MGAT4C: variants seen among roughly 807,000 people sequenced by gnomAD.
The protein encoded by MGAT4C is alpha-1,3-mannosyl-glycoprotein 4-beta-N-acetylglucosaminyltransferase C.
MGAT4C carries 19 observed loss-of-function variants against 40.1 expected under a neutral mutation model. That is an observed-to-expected ratio of 0.47 (90% confidence interval 0.33 to 0.70). MGAT4C has a LOEUF of 0.70. MGAT4C is among the 30% of genes least tolerant of loss of function. The pLI is 0.02. For synonymous variants in MGAT4C, 181 were observed against 187.1 expected (o/e 0.97, Z 0.27); for missense variants, 491 against 563.2 (o/e 0.87, Z 1.30).
chr12:86,371,592 G>A (rs1264321188), intron 3 of MGAT4C, among the ~76,000 whole-genome samples: 1 of 151,872 alleles, frequency 6.6e-6, no homozygotes, highest in Non-Finnish European at 1.5e-5. Context: ...ATATGTTCCT[G>A]TTTATAAAGC....
At chr12:86,104,471 T>A (rs1459378667) in intron 1 of MGAT4C, among the ~76,000 whole-genome samples, 1 of 151,668 alleles carries the variant, frequency 6.6e-6, no homozygotes, top group Admixed American at 6.6e-5. Context: ...AACAAAAAAA[T>A]TGTCTCGTAA....
At chr12:86,558,343 T>C (rs1959709030) in intron 2 of MGAT4C, among the ~76,000 whole-genome samples, 1 of 152,088 alleles carries the variant, frequency 6.6e-6, no homozygotes. Context: ...GATATCTACA[T>C]TTATGAAGCT....
rs1028076684 is a variant in MGAT4C at position 85,975,836 on chromosome 12, T to C, written c.*3453A>G. On this transcript the variant is annotated 3_prime_UTR_variant, in exon 5 of 5. Coordinates refer to ENST00000611864, the MANE Select transcript of MGAT4C (RefSeq NM_001351288.2). ...TATAAAGTTTAAGTGTGAGCTCTAT[T>C]ACTCAGTAATATGATGCCATTACTG... 4 of 151,032 alleles carry C rather than the reference T, an allele frequency of 2.6e-5. No homozygotes were observed. Among genetic ancestry groups the C allele is most frequent in the African/African-American group, 7.3e-5 (3 of 41,326 alleles). The allele number at this position is 151,032 out of a possible 1,614,324, so 9.4% of individuals were successfully genotyped here.
At chr12:86,691,516 C>G (rs1950172578) in intron 2 of MGAT4C, among the ~76,000 whole-genome samples, 1 of 152,142 alleles carries the variant, frequency 6.6e-6, no homozygotes, top group Non-Finnish European at 1.5e-5. Flanking sequence ...GGGCTATACC[C>G]TACAAATGTG....
intron 2 of MGAT4C, among the ~76,000 whole-genome samples, chr12:86,563,727 A>C (rs1264911397): frequency 6.6e-6 from 1 of 152,162 alleles, no homozygotes; most frequent in Admixed American, 6.5e-5. Context: ...ACTGGCTCTA[A>C]GTTATTGACT....
intron 2 of MGAT4C, among the ~76,000 whole-genome samples, chr12:86,585,725 A>ATTTTTTTTTTTTTT (rs113824217): frequency 1.4e-5 from 2 of 141,858 alleles, no homozygotes; most frequent in Admixed American, 7.1e-5. Flanking sequence ...TCCATGTTTT[A>ATTTTTTTTTTTTTT]TTTTTTTTAA....
At chr12:86,533,931 A>C (rs923827229) in intron 2 of MGAT4C, among the ~76,000 whole-genome samples, 7 of 152,054 alleles carry the variant, frequency 4.6e-5, no homozygotes, top group African/African-American at 1.7e-4. Context: ...GACTCTTTGT[A>C]GCAATAAGAT....
chr12:86,261,601 C>T (rs1952659651), intron 4 of MGAT4C, among the ~76,000 whole-genome samples: 1 of 151,968 alleles, frequency 6.6e-6, no homozygotes, highest in Non-Finnish European at 1.5e-5. Context: ...TTTTGCAACC[C>T]GTGTATCTAT....
At position 86,564,461 on chromosome 12, in the gene MGAT4C, A is replaced by G. The variant is rs555124916; in HGVS notation, c.-228-129196T>C. On this transcript the variant is annotated intron_variant, in intron 2 of 7. Transcript: ENST00000548651. ...CTTGGTCATTCTTCCCTTCCACAAGATATCACACTGGTCCATTACATTGAT... is the reference window on the plus strand; with the variant it reads ...CTTGGTCATTCTTCCCTTCCACAAGGTATCACACTGGTCCATTACATTGAT... 2.1e-4 allele frequency among the ~76,000 whole-genome samples: 32 copies of G among 152,280 alleles called. No individual in the cohort carries two copies. The South Asian group carries it at 6.6e-3, about 32-fold the overall frequency.
chr12:86,033,247 G>T (rs1189055778), intron 2 of MGAT4C, among the ~76,000 whole-genome samples: 9 of 149,438 alleles, frequency 6.0e-5, no homozygotes, highest in African/African-American at 1.9e-4. Context: ...AGCTATTCAA[G>T]CTCTTTTTTA....
chr12:86,754,808 C>T (rs976942353), intron 1 of MGAT4C, among the ~76,000 whole-genome samples: 26 of 152,082 alleles, frequency 1.7e-4, no homozygotes, highest in Non-Finnish European at 2.9e-5. Context: ...CTGGACAGAG[C>T]TGAGAAGAGT....
intron 1 of MGAT4C, among the ~76,000 whole-genome samples, chr12:86,208,074 CT>C (rs1950327324): frequency 6.6e-6 from 1 of 152,210 alleles, no homozygotes; most frequent in Non-Finnish European, 1.5e-5. Flanking sequence ...CTTCCTGCCT[CT>C]AGGTCTCTGA....
intron 2 of MGAT4C, among the ~76,000 whole-genome samples, chr12:86,603,681 CTATA>C (rs1470862051): frequency 1.0e-3 from 128 of 123,526 alleles, no homozygotes; most frequent in African/African-American, 3.6e-3. Context: ...AGTATATATA[CTATA>C]TATAGACTAT....
intron 2 of MGAT4C, among the ~76,000 whole-genome samples, chr12:86,484,464 T>C (rs1479064179): frequency 2.0e-5 from 3 of 152,202 alleles, no homozygotes; most frequent in Non-Finnish European, 4.4e-5. Flanking sequence ...ACCTGGTGCT[T>C]TGCCTGCAGT....
intron 2 of MGAT4C, among the ~76,000 whole-genome samples, chr12:86,552,026 C>CAAAAAAAAAAAAAAAAAAAAAAAAA (rs201076856): frequency 1.6e-5 from 1 of 60,664 alleles, no homozygotes; most frequent in Non-Finnish European, 3.4e-5. Flanking sequence ...TTAAAAAAAG[C>CAAAAAAAAAAAAAAAAAAAAAAAAA]AAAAAAAAAA....
rs1960226554 is a variant in MGAT4C at position 86,568,508 on chromosome 12, T to C, written c.-228-133243A>G. 4.0e-5 allele frequency among the ~76,000 whole-genome samples: 6 copies of C among 150,376 alleles called. No individual in the cohort carries two copies. The South Asian group carries it at 1.3e-3, about 32-fold the overall frequency. The stretch of plus-strand genomic sequence containing the variant: ...GATGGCCTATTGTGGGACTTCACTT[T>C]GTGATCATGTGAGTCAATATTCCTT... On this transcript the variant is annotated intron_variant, in intron 2 of 7. Coordinates refer to the MGAT4C transcript ENST00000548651.
intron 1 of MGAT4C, among the ~76,000 whole-genome samples, chr12:86,176,534 G>A (rs540465877): frequency 4.6e-5 from 7 of 151,910 alleles, no homozygotes; most frequent in African/African-American, 1.4e-4. Flanking sequence ...ATTCAGAAAC[G>A]TATCTGGCAA....
At chr12:86,546,367 G>T (rs147951435) in intron 2 of MGAT4C, among the ~76,000 whole-genome samples, 4 of 151,410 alleles carry the variant, frequency 2.6e-5, no homozygotes, top group African/African-American at 9.7e-5. Flanking sequence ...CTAAATAGCC[G>T]TCAACATAGG....
chr12:86,709,739 A>C (rs1950526165), intron 2 of MGAT4C, among the ~76,000 whole-genome samples: 1 of 152,102 alleles, frequency 6.6e-6, no homozygotes, highest in South Asian at 2.1e-4. Flanking sequence ...AAGTATTTCT[A>C]ACTATAGATT....
Sources: gnomAD v4.1 joint callset for allele counts (sites outside exome capture counted in the v4.1 genomes callset) on GRCh38, gnomAD v4.1.1 for gene constraint, MANE v1.5 for transcripts, NCBI Gene and HGNC (gene_info 2026-07-23, HGNC 2026-07-21) for gene names.